XKR9: variants seen among roughly 807,000 people sequenced by gnomAD.
The protein encoded by XKR9 is XK-related protein 9.
In XKR9, 32 loss-of-function variants were observed where a neutral mutation model predicts 32.0. That is an observed-to-expected ratio of 1.00 (90% CI 0.76 to 1.34). The LOEUF (loss-of-function observed/expected upper bound fraction) is 1.34, where lower values mean the gene tolerates loss of function less well. Among genes scored for constraint, XKR9 ranks in the 40% most tolerant of loss-of-function variants. The probability of loss-of-function intolerance (pLI) is 0.00; values close to 1 mark genes in which losing one functional copy is unlikely to be tolerated. For missense variants in XKR9, 546 were observed against 429.7 expected, an observed-to-expected ratio of 1.27 and a Z score of -2.39; for synonymous variants, 168 against 143.4, an observed-to-expected ratio of 1.17 and a Z score of -1.22.
At chr8:70,699,837 G>T (rs893406821) in intron 3 of XKR9, among the ~76,000 whole-genome samples, 3 of 151,946 alleles carry the variant, frequency 2.0e-5, no homozygotes, top group African/African-American at 7.3e-5. Flanking sequence ...ATGTAGATTT[G>T]GTCTTTTCAC....
At chr8:70,878,496 G>T in the XKR9 span, among the ~76,000 whole-genome samples, 1 of 152,056 alleles carries the variant, frequency 6.6e-6, no homozygotes, top group African/African-American at 2.4e-5. Flanking sequence ...AAAAAGCAGG[G>T]TTGCAATCCT....
the XKR9 span, among the ~76,000 whole-genome samples, chr8:70,866,742 C>G: frequency 6.6e-6 from 1 of 151,776 alleles, no homozygotes; most frequent in East Asian, 1.9e-4. Context: ...CCCTTGGCCT[C>G]CCAAAGTGCT....
chr8:70,864,561 A>G, the XKR9 span, among the ~76,000 whole-genome samples: 1 of 152,224 alleles, frequency 6.6e-6, no homozygotes, highest in African/African-American at 2.4e-5. Context: ...AAATTGACCT[A>G]GAAGCATTTG....
the XKR9 span, among the ~76,000 whole-genome samples, chr8:70,919,505 G>T: frequency 4.6e-5 from 7 of 152,174 alleles, no homozygotes; most frequent in African/African-American, 7.2e-5. Context: ...TCAGGCTTGG[G>T]TGAGATATCC....
At chr8:70,783,560 C>T (rs1483756066) in intron 2 of XKR9, among the ~76,000 whole-genome samples, 4 of 151,978 alleles carry the variant, frequency 2.6e-5, no homozygotes, top group Non-Finnish European at 4.4e-5. Context: ...TGTTTTTTTG[C>T]TGAGTTTTAA....
At chr8:70,692,381 TG>T in intron 3 of XKR9, among the ~76,000 whole-genome samples, 1 of 150,780 alleles carries the variant, frequency 6.6e-6, no homozygotes, top group African/African-American at 2.4e-5. Context: ...GTTTGACTCC[TG>T]CTCTTAGTAT....
chr8:70,671,099 A>G (rs1206419797), intron 1 of XKR9, among the ~76,000 whole-genome samples: 3 of 152,202 alleles, frequency 2.0e-5, no homozygotes, highest in Admixed American at 1.3e-4. Context: ...TGGCACTATC[A>G]TAGCTCACTG....
the XKR9 span, among the ~76,000 whole-genome samples, chr8:71,056,893 T>A: frequency 0.015 from 2,273 of 152,312 alleles, 43 homozygotes; most frequent in Non-Finnish European, 0.018. Flanking sequence ...TCCCCAATTA[T>A]GCATTTGACT....
At chr8:70,951,069 C>A in the XKR9 span, among the ~76,000 whole-genome samples, 1 of 152,118 alleles carries the variant, frequency 6.6e-6, no homozygotes, top group Admixed American at 6.5e-5. Context: ...TCTATTATTC[C>A]TTTTATTGCA....
the XKR9 span, among the ~76,000 whole-genome samples, chr8:70,871,660 T>C: frequency 6.6e-6 from 1 of 152,156 alleles, no homozygotes. Context: ...TTGCTTCTCC[T>C]TGGGCCTTCC....
At chr8:70,891,451 GC>G in the XKR9 span, among the ~76,000 whole-genome samples, 2 of 151,700 alleles carry the variant, frequency 1.3e-5, no homozygotes, top group African/African-American at 4.8e-5. Flanking sequence ...TCTTAATACT[GC>G]CTTTGCTGTA....
At chr8:70,976,810 T>G in the XKR9 span, among the ~76,000 whole-genome samples, 1 of 152,238 alleles carries the variant, frequency 6.6e-6, no homozygotes, top group South Asian at 2.1e-4. Context: ...CTCCTGTTTG[T>G]ACCTGTGGTA....
At chr8:70,836,586 T>TA in the XKR9 span, among the ~76,000 whole-genome samples, 1 of 152,062 alleles carries the variant, frequency 6.6e-6, no homozygotes, top group African/African-American at 2.4e-5. Flanking sequence ...AAAAATGATT[T>TA]AAAAAATCCA....
chr8:70,716,771 C>A (rs1028819707), intron 4 of XKR9, among the ~76,000 whole-genome samples: 1 of 152,294 alleles, frequency 6.6e-6, no homozygotes, highest in East Asian at 1.9e-4. Flanking sequence ...CCCTTTCCAG[C>A]AGTCCCTCAA....
chr8:70,778,036 T>C (rs1225435863), intron 2 of XKR9, among the ~76,000 whole-genome samples: 1 of 152,354 alleles, frequency 6.6e-6, no homozygotes, highest in East Asian at 1.9e-4. Flanking sequence ...CCCATGCCTA[T>C]GTCCTGAGTG....
chr8:70,726,181 G>A (rs1032756826), intron 4 of XKR9, among the ~76,000 whole-genome samples: 2 of 152,150 alleles, frequency 1.3e-5, no homozygotes, highest in Non-Finnish European at 2.9e-5. Flanking sequence ...TGGAAGAATG[G>A]TGAAATCATT....
chr8:70,883,149 T>A, the XKR9 span, among the ~76,000 whole-genome samples: 1 of 151,344 alleles, frequency 6.6e-6, no homozygotes, highest in South Asian at 2.1e-4. Flanking sequence ...CCCCAACAAT[T>A]CCCCAAAGTC....
At chr8:70,730,637 A>T (rs1806632337) in intron 4 of XKR9, among the ~76,000 whole-genome samples, 1 of 152,186 alleles carries the variant, frequency 6.6e-6, no homozygotes, top group African/African-American at 2.4e-5. Flanking sequence ...AGGAAAATTC[A>T]AGACAGGAAC....
the XKR9 span, among the ~76,000 whole-genome samples, chr8:70,956,603 G>T: frequency 6.6e-6 from 1 of 152,138 alleles, no homozygotes; most frequent in South Asian, 2.1e-4. Context: ...TGCCCAGGTT[G>T]TCCATTTCAA....
Sources: allele counts gnomAD v4.1 joint callset (sites outside exome capture counted in the v4.1 genomes callset), GRCh38; gene constraint gnomAD v4.1.1; transcripts MANE v1.5; gene names NCBI Gene and HGNC (gene_info 2026-07-23, HGNC 2026-07-21).